PTPRG: variants seen among roughly 807,000 people sequenced by gnomAD.
PTPRG encodes the protein protein tyrosine phosphatase receptor type G.
In PTPRG, 102 loss-of-function variants were observed where a neutral mutation model predicts 165.3. The observed-to-expected ratio is 0.62, with a 90% CI of 0.53 to 0.73. PTPRG has a LOEUF of 0.73. Ranked by LOEUF, PTPRG falls within the 30% of genes least tolerant of loss-of-function variation. PTPRG has a pLI of 0.00. For missense variants in PTPRG, 1,866 were observed against 1,861.4 expected (o/e 1.00, Z -0.05); for synonymous variants, 675 against 669.5 (o/e 1.01, Z -0.13).
In PTPRG at chr3:62,282,021, G is replaced by A. The variant is rs563987935; in HGVS notation, c.3912+312G>A. ...TGTAAGCTTTGCAATGTGTTGCACA[G>A]ATGATAATACTAAGTTTTTTTAAGT... On this transcript the variant is annotated intron_variant, in intron 27 of 29. Transcript: ENST00000474889. 2.7e-3 allele frequency among the ~76,000 whole-genome samples: 415 copies of A among 152,084 alleles called. 3 individuals carry two copies. The highest frequency in any genetic ancestry group is 3.9e-3 in the Non-Finnish European group (268 of 67,950).
intron 5 of PTPRG, among the ~76,000 whole-genome samples, chr3:62,100,412 G>A (rs912329321): frequency 1.3e-5 from 2 of 151,948 alleles, no homozygotes; most frequent in Admixed American, 6.6e-5. Flanking sequence ...ACCCTCCTGG[G>A]ATTTCCTTGT....
chr3:62,085,860 C>T (rs557904111), intron 5 of PTPRG, among the ~76,000 whole-genome samples: 2 of 152,270 alleles, frequency 1.3e-5, no homozygotes, highest in Middle Eastern at 6.8e-3. Context: ...ATGAGGTATC[C>T]TCAGAATTGT....
chr3:62,263,083 G>C, intron 17 of PTPRG, 189 bp downstream of exon 17: 1 of 516,824 alleles, frequency 1.9e-6, no homozygotes, highest in Non-Finnish European at 3.4e-6. Flanking sequence ...CCTTTCATTA[G>C]GCTGTCAGGG....
intron 1 of PTPRG, among the ~76,000 whole-genome samples, chr3:61,600,368 A>G (rs755924627): frequency 1.7e-4 from 26 of 152,194 alleles, no homozygotes; most frequent in Admixed American, 6.5e-4. Context: ...TGGGCAGCCA[A>G]TGTTGACATT....
chr3:61,836,693 G>C (rs1351641082), intron 2 of PTPRG, among the ~76,000 whole-genome samples: 2 of 152,020 alleles, frequency 1.3e-5, no homozygotes, highest in South Asian at 2.1e-4. Flanking sequence ...GTTTGTAAAT[G>C]GGTGAAGTTC....
chr3:61,842,055 A>G (rs965944170), intron 2 of PTPRG, among the ~76,000 whole-genome samples: 1 of 152,226 alleles, frequency 6.6e-6, no homozygotes, highest in African/African-American at 2.4e-5. Context: ...ATGTTTCTTT[A>G]TAGGATTGCA....
At chr3:61,575,888 A>G (rs1263052738) in intron 1 of PTPRG, among the ~76,000 whole-genome samples, 1 of 152,166 alleles carries the variant, frequency 6.6e-6, no homozygotes, top group East Asian at 1.9e-4. Context: ...TGGAGCTGAT[A>G]TTATAGACAT....
At chr3:61,857,199 T>C (rs2037132700) in intron 2 of PTPRG, among the ~76,000 whole-genome samples, 1 of 152,180 alleles carries the variant, frequency 6.6e-6, no homozygotes, top group African/African-American at 2.4e-5. Flanking sequence ...GTAAAATCTT[T>C]AGAATTAAAA....
At chr3:61,954,810 A>G (rs911509966) in intron 2 of PTPRG, among the ~76,000 whole-genome samples, 16 of 152,234 alleles carry the variant, frequency 1.1e-4, no homozygotes, top group Admixed American at 5.2e-4. Context: ...AGATGAGAAT[A>G]TCTCAATGAG....
intron 1 of PTPRG, among the ~76,000 whole-genome samples, chr3:61,665,874 A>C (rs1208021351): frequency 6.6e-6 from 1 of 152,148 alleles, no homozygotes; most frequent in Non-Finnish European, 1.5e-5. Context: ...ATGGATATGA[A>C]ACTCTTTTAG....
At chr3:61,715,028 G>T (rs544034698) in intron 1 of PTPRG, among the ~76,000 whole-genome samples, 1 of 152,178 alleles carries the variant, frequency 6.6e-6, no homozygotes, top group Non-Finnish European at 1.5e-5. Flanking sequence ...AGAATAGAGA[G>T]GCAAAGTGAA....
intron 24 of PTPRG, among the ~76,000 whole-genome samples, 174 bp downstream of exon 24, chr3:62,276,140 T>A (rs1171918313): frequency 6.6e-6 from 1 of 152,138 alleles, no homozygotes; most frequent in Non-Finnish European, 1.5e-5. Context: ...TATGACTTTA[T>A]ACCAGCCTCT....
intron 1 of PTPRG, among the ~76,000 whole-genome samples, chr3:61,725,449 A>G (rs1174510090): frequency 6.6e-6 from 1 of 152,078 alleles, no homozygotes; most frequent in Non-Finnish European, 1.5e-5. Context: ...CTCCAGCACC[A>G]TTTGTTGAAA....
At chr3:61,673,703 T>C (rs1448722915) in intron 1 of PTPRG, among the ~76,000 whole-genome samples, 2 of 152,204 alleles carry the variant, frequency 1.3e-5, no homozygotes, top group Admixed American at 6.5e-5. Context: ...ACCCGAGTAA[T>C]GTACCTTATA....
At chr3:62,179,348 C>T (rs1156897994) in intron 8 of PTPRG, among the ~76,000 whole-genome samples, 2 of 152,206 alleles carry the variant, frequency 1.3e-5, no homozygotes, top group Admixed American at 6.5e-5. Flanking sequence ...GATTCCTAAG[C>T]ACTGGCTGGG....
At chr3:62,223,355 C>T (rs1700691315) in intron 13 of PTPRG, among the ~76,000 whole-genome samples, 2 of 152,212 alleles carry the variant, frequency 1.3e-5, no homozygotes, top group East Asian at 1.9e-4. Context: ...GTGTTCCTAC[C>T]AGCAGTGCTG....
At chr3:61,777,319 TAAATTA>T (rs2034414841) in intron 2 of PTPRG, among the ~76,000 whole-genome samples, 1 of 152,220 alleles carries the variant, frequency 6.6e-6, no homozygotes, top group South Asian at 2.1e-4. Context: ...AATTTTGAAT[TAAATTA>T]AATTTAAATT....
intron 2 of PTPRG, among the ~76,000 whole-genome samples, chr3:61,826,327 A>G (rs1404616614): frequency 6.6e-6 from 1 of 152,180 alleles, no homozygotes; most frequent in Non-Finnish European, 1.5e-5. Context: ...TGGAGGCATC[A>G]GGGGACCAAC....
rs558585122 is a variant in PTPRG, at chr3:62,024,328, C to T, written c.519+20831C>T. 1.6e-4 allele frequency among the ~76,000 whole-genome samples: 24 copies of T among 152,254 alleles called. No individual in the cohort carries two copies. In the East Asian group the frequency reaches 4.4e-3, roughly 28 times the overall value. On this transcript the variant is annotated intron_variant, in intron 4 of 29. Transcript: ENST00000474889. Reference sequence around the variant, plus strand: ...TATCAAGATACTTTTACAGAACTCCCATCTCCCCACTTGTCCATGATATAA... The same window carrying T: ...TATCAAGATACTTTTACAGAACTCCTATCTCCCCACTTGTCCATGATATAA...
Sources: allele counts gnomAD v4.1 joint callset (sites outside exome capture counted in the v4.1 genomes callset), GRCh38; gene constraint gnomAD v4.1.1; transcripts MANE v1.5; gene names NCBI Gene and HGNC (gene_info 2026-07-23, HGNC 2026-07-21).